The following R3HDM2 variants were observed in gnomAD, a reference collection of about 807,000 sequenced individuals.
R3HDM2 encodes R3H domain containing 2.
R3HDM2 carries 38 observed loss-of-function variants against 124.5 expected under a neutral mutation model. The observed-to-expected ratio is 0.31, with a 90% confidence interval of 0.24 to 0.40. R3HDM2 has a LOEUF of 0.40. Ranked by LOEUF, R3HDM2 falls within the 10% of genes least tolerant of loss-of-function variation. The pLI is 1.00. For synonymous variants in R3HDM2, 391 were observed against 448.0 expected (o/e 0.87, Z 1.61); for missense variants, 869 against 1,236.9 (o/e 0.70, Z 4.46).
Position 57,375,291 on chromosome 12 carries a change from A to G in R3HDM2, c.-36+20458T>C, listed in dbSNP as rs546997014. Among the ~76,000 whole-genome samples the G allele has an allele frequency of 5.6e-4, 85 of 152,288 alleles. 1 individual carries two copies. In the East Asian group the frequency reaches 0.011, roughly 20 times the overall value. ...AATTTTTATGTCTAATCTCCCTATA[A>G]AAGTATAATATAGAATATAAAACCA... is the stretch of plus-strand genomic sequence containing the variant. On this transcript the variant is annotated intron_variant, in intron 2 of 23. Coordinates refer to ENST00000402412, the MANE Select transcript of R3HDM2 (RefSeq NM_001394031.1).
rs61207462 is a variant in R3HDM2, at chr12:57,379,562, A to G, written c.-36+16187T>C. ...ACCATTGCACTCCAGCCTGGGCAAC[A>G]AGAGCGAAAATCCGTCTCAAAAAAA... On this transcript the variant is annotated intron_variant, in intron 2 of 23. Coordinates refer to ENST00000402412, the MANE Select transcript of R3HDM2 (RefSeq NM_001394031.1). 4.3e-3 allele frequency among the ~76,000 whole-genome samples: 650 copies of G among 152,260 alleles called. 33 individuals carry two copies. The East Asian group carries it at 0.1, about 25-fold the overall frequency.
rs1285390859 is a variant in R3HDM2, at chr12:57,264,798, A to G, written c.2131+1933T>C. Among the ~76,000 whole-genome samples the G allele has an allele frequency of 3.3e-5, 5 of 152,112 alleles. No individual in the cohort carries two copies. The East Asian group carries it at 7.7e-4, about 24-fold the overall frequency. ...ACTAAAAGCACATGCCACCATGCCC[A>G]ACTAATTTTTAAATTTTTTGTAGAG... On this transcript the variant is annotated intron_variant, in intron 19 of 23. Coordinates refer to ENST00000402412, the MANE Select transcript of R3HDM2 (RefSeq NM_001394031.1).
intron 21 of R3HDM2, among the ~76,000 whole-genome samples, chr12:57,257,582 G>C (rs1444454215): frequency 6.6e-6 from 1 of 152,198 alleles, no homozygotes; most frequent in Non-Finnish European, 1.5e-5. Flanking sequence ...CACAAAGCTA[G>C]TTAGTGGTGA....
intron 2 of R3HDM2, among the ~76,000 whole-genome samples, chr12:57,343,623 G>A (rs1362815251): frequency 2.6e-5 from 4 of 152,024 alleles, no homozygotes; most frequent in Non-Finnish European, 4.4e-5. Flanking sequence ...GCATCCTGAT[G>A]AAAACAATAA....
At chr12:57,335,259 G>A (rs1208069004) in intron 2 of R3HDM2, among the ~76,000 whole-genome samples, 3 of 151,774 alleles carry the variant, frequency 2.0e-5, no homozygotes, top group Non-Finnish European at 4.4e-5. Context: ...CCAGGCTGGA[G>A]TGCAATGGCA....
intron 21 of R3HDM2, 78 bp downstream of exon 21, chr12:57,257,912 A>G: frequency 7.4e-7 from 1 of 1,353,992 alleles, no homozygotes; most frequent in African/African-American, 1.4e-5. Context: ...GCCTGTTGTT[A>G]CTCTTTCAAT....
chr12:57,361,746 T>G (rs931278004), intron 2 of R3HDM2, among the ~76,000 whole-genome samples: 1 of 149,210 alleles, frequency 6.7e-6, no homozygotes, highest in Non-Finnish European at 1.5e-5. Flanking sequence ...GAAAAAGAGG[T>G]CATCATATGA....
At position 57,283,934 on chromosome 12, in the gene R3HDM2, A is replaced by G. The variant is rs775434487; in HGVS notation, c.1061T>C (p.Met354Thr). ...GCTAGCTTTGGTGACAGGGGGTCGC[A>G]TGCTCCGGACAGAGCCATCAGAGTC... ...STDSDGSVRS[M>T]RPPVTKASSF... Residue 354 changes from methionine (M) to threonine (T), a missense_variant, in exon 13 of 24, where the codon ATG (methionine) becomes ACG (threonine). Around this residue, in one of 2 missense-constraint regions of R3HDM2, gnomAD observed 267 missense variants for 447.7 expected, o/e 0.60. Transcript: ENST00000402412. 13 of 1,614,148 alleles carry G rather than the reference A, an allele frequency of 8.1e-6. No individual in the cohort carries two copies. Among genetic ancestry groups the G allele is most frequent in the Non-Finnish European group, 6.8e-6 (8 of 1,180,026 alleles).
At chr12:57,343,302 G>T (rs569225541) in intron 2 of R3HDM2, among the ~76,000 whole-genome samples, 1 of 149,652 alleles carries the variant, frequency 6.7e-6, no homozygotes, top group East Asian at 2.0e-4. Context: ...CGGTTCTCCT[G>T]CATCAGCCTC....
At chr12:57,322,634 T>A (rs185805936) in intron 2 of R3HDM2, among the ~76,000 whole-genome samples, 198 of 152,320 alleles carry the variant, frequency 1.3e-3, no homozygotes, top group African/African-American at 4.3e-3. Context: ...GACTTTTTTT[T>A]AATTATTTTT....
intron 1 of R3HDM2, among the ~76,000 whole-genome samples, chr12:57,413,439 A>AG (rs928178238): frequency 6.6e-6 from 1 of 150,800 alleles, no homozygotes; most frequent in Admixed American, 6.6e-5. Flanking sequence ...AAAAAAAAAA[A>AG]AAAAAAAAAA....
chr12:57,355,516 C>CT (rs1185825533), intron 2 of R3HDM2, among the ~76,000 whole-genome samples: 1 of 151,408 alleles, frequency 6.6e-6, no homozygotes, highest in Non-Finnish European at 1.5e-5. Context: ...AAAGTCATCT[C>CT]TTTCCCATTG....
chr12:57,341,849 GAGAAC>G (rs1305846083), intron 2 of R3HDM2, among the ~76,000 whole-genome samples: 1 of 152,180 alleles, frequency 6.6e-6, no homozygotes, highest in African/African-American at 2.4e-5. Context: ...CATCACCAAA[GAGAAC>G]AGAAATCACC....
intron 2 of R3HDM2, among the ~76,000 whole-genome samples, chr12:57,324,033 G>T (rs959882675): frequency 6.7e-6 from 1 of 149,866 alleles, no homozygotes; most frequent in Non-Finnish European, 1.5e-5. Flanking sequence ...GAAGATATCT[G>T]GAAAAGGAAA....
intron 1 of R3HDM2, among the ~76,000 whole-genome samples, chr12:57,396,279 A>C (rs2067486337): frequency 6.6e-6 from 1 of 151,394 alleles, no homozygotes; most frequent in South Asian, 2.1e-4. Flanking sequence ...GTCTCTACTA[A>C]AAATACAAAA....
intron 1 of R3HDM2, among the ~76,000 whole-genome samples, chr12:57,429,790 GAAC>G (rs763084814): frequency 8.6e-5 from 13 of 151,274 alleles, no homozygotes; most frequent in Non-Finnish European, 1.6e-4. Flanking sequence ...AATATTGGTG[GAAC>G]AACAACAAAA....
chr12:57,285,163 T>A (rs1031331592), intron 12 of R3HDM2, among the ~76,000 whole-genome samples: 3 of 152,096 alleles, frequency 2.0e-5, no homozygotes, highest in African/African-American at 7.2e-5. Flanking sequence ...CAAAAGCAAA[T>A]AGGAAACCCC....
chr12:57,344,208 T>C (rs1275701610), intron 2 of R3HDM2, among the ~76,000 whole-genome samples: 1 of 152,140 alleles, frequency 6.6e-6, no homozygotes, highest in African/African-American at 2.4e-5. Context: ...ATCAGCCAAA[T>C]CTCAGATGAG....
intron 2 of R3HDM2, among the ~76,000 whole-genome samples, chr12:57,332,410 CAAAAAAA>C (rs10653446): frequency 1.6e-5 from 1 of 60,706 alleles, no homozygotes; most frequent in Admixed American, 2.5e-4. Flanking sequence ...GACCCTGTCT[CAAAAAAA>C]AAAAAAAAAA....
Sources: allele counts gnomAD v4.1 joint callset (sites outside exome capture counted in the v4.1 genomes callset), GRCh38; gene constraint gnomAD v4.1.1; regional missense constraint gnomAD v4.1.1; transcripts MANE v1.5; gene names NCBI Gene and HGNC (gene_info 2026-07-23, HGNC 2026-07-21).